The following SAMD12 variants were observed in gnomAD, a reference collection of about 807,000 sequenced individuals.
SAMD12 encodes the protein sterile alpha motif domain-containing protein 12.
Under a neutral mutation model 15.0 loss-of-function variants are expected in SAMD12, and 9 were observed. That is an observed-to-expected ratio of 0.60 (90% CI 0.36 to 1.05). The LOEUF is 1.05. SAMD12 is among the 50% of genes least tolerant of loss of function. The pLI is 0.01. For synonymous variants in SAMD12, 86 were observed against 90.1 expected (o/e 0.96, Z 0.25); for missense variants, 230 against 234.2 (o/e 0.98, Z 0.12).
intron 4 of SAMD12, among the ~76,000 whole-genome samples, chr8:118,361,931 G>A (rs893726455): frequency 6.6e-6 from 1 of 152,176 alleles, no homozygotes; most frequent in African/African-American, 2.4e-5. Context: ...AAATATAAAT[G>A]AATTCATTTG....
the SAMD12 span, among the ~76,000 whole-genome samples, chr8:118,143,884 T>C: frequency 2.6e-5 from 4 of 152,220 alleles, no homozygotes; most frequent in Admixed American, 2.6e-4. Flanking sequence ...GTTAGTTTCT[T>C]GTGGCTGCTA....
At chr8:118,159,131 G>A in the SAMD12 span, among the ~76,000 whole-genome samples, 1 of 152,030 alleles carries the variant, frequency 6.6e-6, no homozygotes, top group South Asian at 2.1e-4. Flanking sequence ...AAGAGAAGAG[G>A]GAAGAACTGT....
intron 4 of SAMD12, among the ~76,000 whole-genome samples, chr8:118,309,877 C>A (rs1330518233): frequency 4.6e-5 from 7 of 152,200 alleles, no homozygotes; most frequent in Non-Finnish European, 7.3e-5. Flanking sequence ...CCCTACTGTG[C>A]TCCTCTCAGC....
At chr8:118,605,843 A>G (rs1257441318) in intron 1 of SAMD12, among the ~76,000 whole-genome samples, 2 of 138,908 alleles carry the variant, frequency 1.4e-5, no homozygotes, top group African/African-American at 2.8e-5. Flanking sequence ...CTGACCATCA[A>G]CAACCAGTAT....
exon 5 of SAMD12, chr8:118,190,641 A>G (rs1316078263): frequency 6.6e-6 from 1 of 152,254 alleles, no homozygotes; most frequent in African/African-American, 2.4e-5. Context: ...CAAGTAAGGG[A>G]AAGGAATCAT....
At chr8:118,599,848 C>A (rs1659728543) in intron 1 of SAMD12, among the ~76,000 whole-genome samples, 1 of 152,148 alleles carries the variant, frequency 6.6e-6, no homozygotes, top group African/African-American at 2.4e-5. Context: ...GCAATCTAGA[C>A]CTCTCAAGAT....
At chr8:118,427,951 A>G (rs190824196) in intron 3 of SAMD12, among the ~76,000 whole-genome samples, 1 of 152,298 alleles carries the variant, frequency 6.6e-6, no homozygotes, top group Non-Finnish European at 1.5e-5. Context: ...ATGGCTTGGT[A>G]TGGGAATTTA....
exon 5 of SAMD12, chr8:118,190,805 CAG>C (rs1468155342): frequency 6.6e-6 from 1 of 152,120 alleles, no homozygotes; most frequent in Non-Finnish European, 1.5e-5. Context: ...AGCAGTGGCC[CAG>C]AGAGACTGGG....
exon 5 of SAMD12, chr8:118,194,392 T>C (rs1819496745): frequency 6.6e-6 from 1 of 152,212 alleles, no homozygotes; most frequent in Admixed American, 6.5e-5. Flanking sequence ...ATAGGATCTC[T>C]CTTCCCCTAG....
At chr8:118,173,552 T>TTATA in the SAMD12 span, among the ~76,000 whole-genome samples, 1 of 147,602 alleles carries the variant, frequency 6.8e-6, no homozygotes, top group African/African-American at 2.5e-5. Context: ...TATCTAATAT[T>TTATA]TATATATATA....
At chr8:118,411,637 GTTTC>G (rs1384533762) in intron 3 of SAMD12, among the ~76,000 whole-genome samples, 1 of 152,068 alleles carries the variant, frequency 6.6e-6, no homozygotes, top group African/African-American at 2.4e-5. Flanking sequence ...TTTTATGCAT[GTTTC>G]TTTGTCTAAT....
chr8:118,305,144 C>CAAAAAAAAAAAAAAAAAAAAAAA (rs56200866), intron 4 of SAMD12, among the ~76,000 whole-genome samples: 1 of 48,842 alleles, frequency 2.0e-5, no homozygotes, highest in Non-Finnish European at 3.7e-5. Flanking sequence ...GACTCCCTGT[C>CAAAAAAAAAAAAAAAAAAAAAAA]AAAAAAAAAA....
chr8:118,144,450 A>T, the SAMD12 span, among the ~76,000 whole-genome samples: 8 of 152,314 alleles, frequency 5.3e-5, no homozygotes, highest in Non-Finnish European at 1.0e-4. Context: ...CTGCTCCCAA[A>T]GCACCTAGCA....
At chr8:118,138,168 G>A in the SAMD12 span, among the ~76,000 whole-genome samples, 1 of 151,224 alleles carries the variant, frequency 6.6e-6, no homozygotes, top group African/African-American at 2.4e-5. Flanking sequence ...AAGAACATGG[G>A]TCTTAGAATG....
At chr8:118,269,694 T>C (rs1411449801) in intron 4 of SAMD12, among the ~76,000 whole-genome samples, 1 of 152,238 alleles carries the variant, frequency 6.6e-6, no homozygotes, top group Non-Finnish European at 1.5e-5. Flanking sequence ...TTTTATTCAA[T>C]CAGGTTTTTG....
intron 2 of SAMD12, among the ~76,000 whole-genome samples, chr8:118,551,876 C>T (rs1264603340): frequency 2.0e-5 from 3 of 151,506 alleles, no homozygotes; most frequent in Non-Finnish European, 3.0e-5. Context: ...ATACAAACTA[C>T]CATCAGAGAA....
chr8:118,225,736 C>G (rs1386215802), intron 4 of SAMD12, among the ~76,000 whole-genome samples: 1 of 152,148 alleles, frequency 6.6e-6, no homozygotes, highest in African/African-American at 2.4e-5. Context: ...AACAGTCCCC[C>G]TTTTCAAAGA....
At chr8:118,425,401 C>T (rs1822200511) in intron 3 of SAMD12, among the ~76,000 whole-genome samples, 1 of 152,082 alleles carries the variant, frequency 6.6e-6, no homozygotes, top group South Asian at 2.1e-4. Context: ...CAGAGTTGGG[C>T]ATGATGGTGC....
intron 4 of SAMD12, among the ~76,000 whole-genome samples, chr8:118,235,065 T>C (rs11562795): frequency 0.048 from 7,350 of 152,218 alleles, 409 homozygotes; most frequent in East Asian, 0.15. Context: ...CCAAATAAAC[T>C]GTCAATTCTA....
Sources: allele counts gnomAD v4.1 joint callset (sites outside exome capture counted in the v4.1 genomes callset), GRCh38; gene constraint gnomAD v4.1.1; transcripts MANE v1.5; gene names NCBI Gene and HGNC (gene_info 2026-07-23, HGNC 2026-07-21).